Variants in BAIAP2L1 observed in about 807,000 individuals in gnomAD.
BAIAP2L1 encodes the protein BAR/IMD domain-containing adapter protein 2-like 1.
In BAIAP2L1, 35 loss-of-function variants were observed where a neutral mutation model predicts 66.3. The ratio of observed to expected loss-of-function variants is 0.53; its 90% CI spans 0.40 to 0.70. The LOEUF (loss-of-function observed/expected upper bound fraction) is 0.70. Among genes scored for constraint, BAIAP2L1 ranks in the 30% least tolerant of loss-of-function variants. BAIAP2L1 has a pLI of 0.00. For missense variants in BAIAP2L1, 622 were observed against 656.9 expected (o/e 0.95, Z 0.58); for synonymous variants, 269 against 248.7 (o/e 1.08, Z -0.77).
Position 98,354,970 on chromosome 7 carries a change from C to T in BAIAP2L1, c.214+72G>A, listed in dbSNP as rs540233528. ...ATCTCTCCTCTGTTCTGGACTGGGC[C>T]ATCCCACGCGTTTCTCTTGGGGTTC... On this transcript the variant is annotated intron_variant, in intron 3 of 13. Coordinates refer to ENST00000005260, the MANE Select transcript of BAIAP2L1 (RefSeq NM_018842.5). The T allele has an allele frequency of 3.6e-6, 4 of 1,123,840 alleles. No individual in the cohort carries two copies. In the Admixed American group the frequency reaches 5.1e-5, roughly 14 times the overall value. The allele number at this position is 1,123,840 out of a possible 1,614,324, so 69.6% of individuals were successfully genotyped here. A position where few individuals can be genotyped will look rare whatever the true frequency, so the allele number is the denominator to read the frequency against.
chr7:98,384,858 C>T (rs1053813917), intron 1 of BAIAP2L1, among the ~76,000 whole-genome samples: 1 of 152,048 alleles, frequency 6.6e-6, no homozygotes, highest in Non-Finnish European at 1.5e-5. Flanking sequence ...GCCACCACGC[C>T]TGGGTAATGT....
chr7:98,336,067 T>A (rs776229031), intron 3 of BAIAP2L1, among the ~76,000 whole-genome samples: 2 of 150,618 alleles, frequency 1.3e-5, no homozygotes, highest in Non-Finnish European at 2.9e-5. Context: ...ATACCGCATA[T>A]CTCACTTATA....
intron 1 of BAIAP2L1, among the ~76,000 whole-genome samples, chr7:98,364,463 C>T: frequency 6.6e-6 from 1 of 152,148 alleles, no homozygotes; most frequent in East Asian, 1.9e-4. Context: ...TCACGATTGC[C>T]CTAGCATGGC....
chr7:98,373,430 G>A (rs567172089), intron 1 of BAIAP2L1, among the ~76,000 whole-genome samples: 1 of 152,248 alleles, frequency 6.6e-6, no homozygotes, highest in South Asian at 2.1e-4. Flanking sequence ...CTTGCATTAT[G>A]TATTAGTTTG....
rs527832350 is a variant in BAIAP2L1 at position 98,335,666 on chromosome 7, C to T, written c.215-15368G>A. Among the ~76,000 whole-genome samples, 4 of 152,358 alleles carry T rather than the reference C, an allele frequency of 2.6e-5. No homozygotes were observed. In the South Asian group the frequency reaches 6.2e-4, roughly 24 times the overall value. ...CCTTAACTATATCCGATTCTCACAT[C>T]CTTGCCTCACCAGAAATTTATAACT... On this transcript the variant is annotated intron_variant, in intron 3 of 13. Transcript: ENST00000005260.
intron 1 of BAIAP2L1, chr7:98,399,974 G>A (rs991932893): frequency 1.3e-5 from 2 of 152,050 alleles, no homozygotes; most frequent in African/African-American, 2.4e-5. Context: ...CCCAGAGCTC[G>A]GCTCACCTGG....
rs536400820 is a variant in BAIAP2L1, at chr7:98,319,163, G to T, written c.348+895C>A. Among the ~76,000 whole-genome samples, 6 of 152,254 alleles carry T rather than the reference G, an allele frequency of 3.9e-5. No homozygotes were observed. In the South Asian group the frequency reaches 1.2e-3, roughly 32 times the overall value. ...CTCGCACACTCACTGCCACATGGGG[G>T]TCTGGGTGAGCAGGAAGGGGACTTT... is the stretch of plus-strand genomic sequence containing the variant. On this transcript the variant is annotated intron_variant, in intron 5 of 13. Coordinates refer to ENST00000005260, the MANE Select transcript of BAIAP2L1 (RefSeq NM_018842.5).
intron 1 of BAIAP2L1, among the ~76,000 whole-genome samples, chr7:98,383,120 G>A (rs1401345614): frequency 1.3e-5 from 2 of 151,576 alleles, no homozygotes; most frequent in African/African-American, 4.9e-5. Flanking sequence ...CTGAGATGGC[G>A]CCACCACACT....
intron 1 of BAIAP2L1, among the ~76,000 whole-genome samples, chr7:98,365,007 A>AAAAAAAAAAAAAAAAAAAAC: frequency 6.7e-6 from 1 of 148,992 alleles, no homozygotes; most frequent in African/African-American, 2.5e-5. Context: ...AAAAAAAAAA[A>AAAAAAAAAAAAAAAAAAAAC]AAAAAAAAAA....
At position 98,315,507 on chromosome 7, in the gene BAIAP2L1, C is replaced by T. The variant is rs1801041402; in HGVS notation, c.592G>A (p.Asp198Asn). 3 of 1,522,032 alleles carry T rather than the reference C, an allele frequency of 2.0e-6. No homozygotes were observed. Among genetic ancestry groups the T allele is most frequent in the African/African-American group, 2.8e-5 (2 of 71,328 alleles). The allele number at this position is 1,522,032 out of a possible 1,614,324, so 94.3% of individuals were successfully genotyped here. The change falls in exon 7 of 14, where the codon GAT becomes AAT. Residue 198 changes from aspartate to asparagine, a missense_variant. Coordinates refer to ENST00000005260, the MANE Select transcript of BAIAP2L1 (RefSeq NM_018842.5). The stretch of plus-strand genomic sequence containing the variant: ...TGGTTTGCAAAGCCACAGTGCTTAT[C>T]AACCAGAAAGCAGAAGCGCCTCTTC... The part of the protein sequence containing the change: ...EEKRRFCFLV[D>N]KHCGFANHIH...
At chr7:98,377,843 A>T (rs886103956) in intron 1 of BAIAP2L1, among the ~76,000 whole-genome samples, 3 of 122,188 alleles carry the variant, frequency 2.5e-5, no homozygotes, top group Middle Eastern at 5.7e-3. Context: ...AAAAAAAAAA[A>T]AAGGCCAGGT....
At chr7:98,386,642 A>C (rs917619928) in intron 1 of BAIAP2L1, 92 of 1,404,358 alleles carry the variant, frequency 6.6e-5, no homozygotes, top group Non-Finnish European at 8.5e-5. Context: ...TCTTTCCGAG[A>C]ACTTTTTTTT....
intron 11 of BAIAP2L1, among the ~76,000 whole-genome samples, chr7:98,305,681 C>T (rs975393373): frequency 3.9e-5 from 6 of 152,152 alleles, no homozygotes; most frequent in African/African-American, 1.4e-4. Context: ...CCTCCATCTC[C>T]CAAAGTGCTG....
At chr7:98,311,986 T>A in intron 8 of BAIAP2L1, 111 bp downstream of exon 8, 1 of 1,119,270 alleles carries the variant, frequency 8.9e-7, no homozygotes, top group Non-Finnish European at 1.3e-6. Flanking sequence ...GAAAAGGTGG[T>A]CCTGGAAGTA....
At chr7:98,299,381 C>T (rs1420962128) in intron 12 of BAIAP2L1, among the ~76,000 whole-genome samples, 1 of 152,116 alleles carries the variant, frequency 6.6e-6, no homozygotes, top group Admixed American at 6.5e-5. Context: ...TGATCTGGAA[C>T]TCCTAGGCTC....
chr7:98,366,729 C>A (rs941923987), intron 1 of BAIAP2L1, among the ~76,000 whole-genome samples: 2 of 152,236 alleles, frequency 1.3e-5, no homozygotes, highest in African/African-American at 4.8e-5. Context: ...CAGTCAGGTG[C>A]TTGGCACCTA....
intron 1 of BAIAP2L1, among the ~76,000 whole-genome samples, chr7:98,377,789 C>T (rs1480443021): frequency 1.5e-5 from 2 of 131,698 alleles, no homozygotes; most frequent in East Asian, 4.5e-4. Flanking sequence ...ACTGACTCTC[C>T]AGCCTGGGCG....
intron 12 of BAIAP2L1, among the ~76,000 whole-genome samples, chr7:98,300,890 G>A (rs368749341): frequency 2.5e-4 from 38 of 152,232 alleles, no homozygotes; most frequent in East Asian, 2.3e-3. Context: ...GCCGAAGCTC[G>A]TGCCTCAGAG....
intron 3 of BAIAP2L1, among the ~76,000 whole-genome samples, chr7:98,350,163 G>T (rs570307544): frequency 1.7e-4 from 26 of 152,112 alleles, no homozygotes; most frequent in African/African-American, 5.1e-4. Context: ...TAGAAAGAAA[G>T]ACAAGGATGA....
Sources: allele counts gnomAD v4.1 joint callset (sites outside exome capture counted in the v4.1 genomes callset), GRCh38; gene constraint gnomAD v4.1.1; transcripts MANE v1.5; gene names NCBI Gene and HGNC (gene_info 2026-07-23, HGNC 2026-07-21).